Variants in TBL1X observed in about 807,000 individuals in gnomAD.
The protein encoded by TBL1X is transducin beta like 1 X-linked.
A neutral mutation model predicts 50.7 loss-of-function variants in TBL1X; 10 were observed. That is an observed-to-expected ratio of 0.20 (90% CI 0.12 to 0.33). The LOEUF is 0.33. Among genes scored for constraint, TBL1X ranks in the 10% least tolerant of loss-of-function variants. TBL1X has a pLI of 1.00. For missense variants in TBL1X, 340 were observed against 504.4 expected (o/e 0.67, Z 3.12); for synonymous variants, 190 against 214.7 (o/e 0.88, Z 1.01).
At chrX:9,518,635 G>A (rs2082092481) in intron 2 of TBL1X, among the ~76,000 whole-genome samples, 1 of 111,679 alleles carries the variant, frequency 9.0e-6, no homozygotes, top group Non-Finnish European at 1.9e-5. Flanking sequence ...CATGAAATGA[G>A]GGAGGTGTGG....
At chrX:9,604,841 G>A (rs1039908741) in intron 2 of TBL1X, among the ~76,000 whole-genome samples, 2 of 110,863 alleles carry the variant, frequency 1.8e-5, no homozygotes, top group East Asian at 2.8e-4. Context: ...AGGAGAAGAC[G>A]TTTCACCCTT....
chrX:9,707,918 C>T (rs1460283081), intron 13 of TBL1X, among the ~76,000 whole-genome samples: 1 of 112,626 alleles, frequency 8.9e-6, no homozygotes, highest in African/African-American at 3.2e-5. Flanking sequence ...CCAGTTCACA[C>T]CCTTCAAAAC....
intron 2 of TBL1X, among the ~76,000 whole-genome samples, chrX:9,554,507 C>G (rs753694790): frequency 4.5e-5 from 5 of 112,032 alleles, no homozygotes; most frequent in South Asian, 3.7e-4. Flanking sequence ...ATTTGTATAC[C>G]TTTTGCTCAC....
intron 2 of TBL1X, among the ~76,000 whole-genome samples, chrX:9,618,406 T>A (rs1313388242): frequency 1.8e-5 from 2 of 112,286 alleles, no homozygotes; most frequent in Admixed American, 1.9e-4. Flanking sequence ...CCGGGCGCGG[T>A]GGCTCACGCC....
intron 5 of TBL1X, among the ~76,000 whole-genome samples, chrX:9,683,728 A>G (rs977623948): frequency 1.8e-5 from 2 of 111,163 alleles, no homozygotes; most frequent in African/African-American, 6.6e-5. Context: ...GAAATGTCCA[A>G]CCGGGGCATG....
chrX:9,600,003 A>G lies in TBL1X; in HGVS notation c.-130-40270A>G, dbSNP rs151186618. 3.6e-3 allele frequency among the ~76,000 whole-genome samples: 397 copies of G among 111,631 alleles called. 2 individuals carry two copies. The highest frequency in any genetic ancestry group is 0.012 in the African/African-American group (371 of 30,677). On this transcript the variant is annotated intron_variant, in intron 2 of 17. Coordinates refer to ENST00000645353, the MANE Select transcript of TBL1X (RefSeq NM_005647.4). ...GTGACTCTCTCCTGTCAGTAGACAC[A>G]CTAAACCTGAATCCAGGATGGGAAA...
chrX:9,702,454 A>C (rs1406702753), intron 12 of TBL1X, among the ~76,000 whole-genome samples: 2 of 106,143 alleles, frequency 1.9e-5, no homozygotes, highest in Non-Finnish European at 3.9e-5. Flanking sequence ...AAAAAAAAAA[A>C]AAAAAACTGG....
intron 2 of TBL1X, among the ~76,000 whole-genome samples, chrX:9,626,968 A>T (rs747036374): frequency 8.9e-5 from 10 of 112,431 alleles, no homozygotes; most frequent in African/African-American, 2.9e-4. Flanking sequence ...AAGGTTCCAC[A>T]CTTTTAAAAA....
rs768085316 is a variant in TBL1X at position 9,716,260 on chromosome X, T to C, written c.*14T>C. 4.8e-5 allele frequency: 58 copies of C among 1,204,551 alleles called. No individual in the cohort carries two copies. The highest frequency in any genetic ancestry group is 5.9e-5 in the Non-Finnish European group (53 of 891,395). On this transcript the variant is annotated 3_prime_UTR_variant, in exon 18 of 18. Transcript: ENST00000645353. ...CTGCGGAAGTAACCACAAAATATTATCGAAAAAAGAAAAGAATTCTAATGA... is the reference window on the plus strand; with the variant it reads ...CTGCGGAAGTAACCACAAAATATTACCGAAAAAAGAAAAGAATTCTAATGA...
chrX:9,654,080 TAA>T lies in TBL1X; in HGVS notation c.104-132_104-131del, dbSNP rs1343235553. On this transcript the variant is annotated intron_variant, in intron 4 of 17. Coordinates refer to ENST00000645353, the MANE Select transcript of TBL1X (RefSeq NM_005647.4). ...GAATTTTTATGTAATCACATAATTATAAAATATAACACAATCAGATATTAATT... is the reference window on the plus strand; with the variant it reads ...GAATTTTTATGTAATCACATAATTATAATATAACACAATCAGATATTAATT... The T allele has an allele frequency of 1.0e-5, 5 of 499,814 alleles. No homozygotes were observed. In the African/African-American group the frequency reaches 1.2e-4, roughly 12 times the overall value. The allele number at this position is 499,814 out of a possible 1,213,427, so 41.2% of individuals were successfully genotyped here.
chrX:9,660,475 C>T (rs1260597975), intron 5 of TBL1X, among the ~76,000 whole-genome samples: 2 of 112,298 alleles, frequency 1.8e-5, no homozygotes, highest in Non-Finnish European at 3.8e-5. Flanking sequence ...TTCTCACACA[C>T]GCTGAATTCC....
chrX:9,540,797 A>G (rs1431698662), intron 2 of TBL1X, among the ~76,000 whole-genome samples: 3 of 112,248 alleles, frequency 2.7e-5, no homozygotes, highest in Admixed American at 9.4e-5. Flanking sequence ...AAAAATCTCC[A>G]ATTTAGTGAC....
intron 1 of TBL1X, among the ~76,000 whole-genome samples, chrX:9,497,778 C>T (rs2081979413): frequency 1.2e-5 from 1 of 86,725 alleles, no homozygotes; most frequent in African/African-American, 4.4e-5. Flanking sequence ...CCCTCCCTCT[C>T]TCTCTCCCTC....
At chrX:9,684,231 G>A in intron 6 of TBL1X, 43 bp downstream of exon 6, 1 of 1,201,746 alleles carries the variant, frequency 8.3e-7, no homozygotes, top group Non-Finnish European at 1.1e-6. Context: ...CAGAGCCCTG[G>A]GAAGCTGCAG....
intron 1 of TBL1X, among the ~76,000 whole-genome samples, chrX:9,469,776 C>A (rs971155115): frequency 1.3e-4 from 14 of 111,891 alleles, no homozygotes; most frequent in South Asian, 3.8e-4. Flanking sequence ...CACAGTCACC[C>A]CCCCCAGCCC....
intron 2 of TBL1X, among the ~76,000 whole-genome samples, chrX:9,504,350 A>G (rs2082015881): frequency 8.9e-6 from 1 of 112,169 alleles, no homozygotes; most frequent in Admixed American, 9.5e-5. Flanking sequence ...ATGAGAAAGA[A>G]TGAAAAAATG....
At chrX:9,674,795 G>A (rs1461842524) in intron 5 of TBL1X, among the ~76,000 whole-genome samples, 1 of 104,880 alleles carries the variant, frequency 9.5e-6, no homozygotes, top group Non-Finnish European at 1.9e-5. Context: ...GCCCAGTCTG[G>A]TGTTGAACCC....
chrX:9,636,664 A>G (rs1464618288), intron 2 of TBL1X: 1 of 112,169 alleles, frequency 8.9e-6, no homozygotes, highest in Non-Finnish European at 1.9e-5. Context: ...GGAAAAGAAT[A>G]TAATTTCTCA....
chrX:9,604,683 C>T (rs1438416865), intron 2 of TBL1X, among the ~76,000 whole-genome samples: 3 of 110,776 alleles, frequency 2.7e-5, no homozygotes, highest in Non-Finnish European at 3.8e-5. Flanking sequence ...TGAAGGAGGC[C>T]GCTGTTCCGC....
Sources: allele counts gnomAD v4.1 joint callset (sites outside exome capture counted in the v4.1 genomes callset), GRCh38; gene constraint gnomAD v4.1.1; transcripts MANE v1.5; gene names NCBI Gene and HGNC (gene_info 2026-07-23, HGNC 2026-07-21).